PPP1R9A: variants seen among roughly 807,000 people sequenced by gnomAD.
The protein encoded by PPP1R9A is neurabin-1.
Under a neutral mutation model 141.9 loss-of-function variants are expected in PPP1R9A, and 59 were observed. That is an observed-to-expected ratio of 0.42 (90% CI 0.34 to 0.52). PPP1R9A has a LOEUF of 0.52. Among genes scored for constraint, PPP1R9A ranks in the 20% least tolerant of loss-of-function variants. The probability of loss-of-function intolerance (pLI) is 0.10; values close to 1 mark genes in which losing one functional copy is unlikely to be tolerated. For missense variants in PPP1R9A, 1,444 were observed against 1,611.9 expected, an observed-to-expected ratio of 0.90 and a Z score of 1.78; for synonymous variants, 500 against 569.7, an observed-to-expected ratio of 0.88 and a Z score of 1.74.
intron 2 of PPP1R9A, among the ~76,000 whole-genome samples, chr7:95,070,141 G>A (rs1158973295): frequency 6.6e-6 from 1 of 151,996 alleles, no homozygotes; most frequent in Non-Finnish European, 1.5e-5. Flanking sequence ...CAGGCTATTG[G>A]CTTACTTGGT....
At chr7:95,274,030 G>A (rs1445892570) in intron 15 of PPP1R9A, 44 bp downstream of exon 15, 1 of 1,496,366 alleles carries the variant, frequency 6.7e-7, no homozygotes, top group Non-Finnish European at 9.1e-7. Context: ...TGTAAAAGGA[G>A]GATTGAAAGA....
intron 4 of PPP1R9A, among the ~76,000 whole-genome samples, chr7:95,127,923 G>C (rs1026713293): frequency 6.6e-6 from 1 of 152,130 alleles, no homozygotes; most frequent in African/African-American, 2.4e-5. Context: ...TCCACTGTTA[G>C]TGGACACCTA....
intron 8 of PPP1R9A, among the ~76,000 whole-genome samples, chr7:95,234,503 A>G (rs567024268): frequency 3.3e-5 from 5 of 152,218 alleles, no homozygotes; most frequent in Non-Finnish European, 7.3e-5. Context: ...GGAAAACTAC[A>G]AAACACTGCT....
chr7:95,154,705 C>T (rs1829303786), intron 4 of PPP1R9A: 1 of 152,052 alleles, frequency 6.6e-6, no homozygotes, highest in Admixed American at 6.5e-5. Context: ...GAGAGAATGA[C>T]TTCTGAGTTA....
In PPP1R9A at chr7:94,911,226, T is replaced by C; in HGVS notation, c.1113T>C (p.Ser371=). Residue 371 remains serine, a synonymous_variant, in exon 2 of 20, where the codon TCT becomes TCC. Transcript: ENST00000433360. The part of the protein sequence containing the change: ...RKELAGGDFT[S]PDASASSCGK... ...AACTTGCAGGTGGTGATTTCACCTC[T>C]CCTGATGCTTCTGCATCCAGTTGTG... is the stretch of plus-strand genomic sequence containing the variant. 5 of 1,614,224 alleles carry C rather than the reference T, an allele frequency of 3.1e-6. No individual in the cohort carries two copies. Among genetic ancestry groups the C allele is most frequent in the Non-Finnish European group, 3.4e-6 (4 of 1,180,024 alleles).
chr7:95,042,467 T>A (rs1226954276), intron 2 of PPP1R9A, among the ~76,000 whole-genome samples: 1 of 152,180 alleles, frequency 6.6e-6, no homozygotes, highest in Non-Finnish European at 1.5e-5. Flanking sequence ...CATGAAGGCA[T>A]CTATACCATT....
At chr7:95,192,210 A>G (rs900761447) in intron 5 of PPP1R9A, among the ~76,000 whole-genome samples, 1 of 151,982 alleles carries the variant, frequency 6.6e-6, no homozygotes, top group African/African-American at 2.4e-5. Context: ...GTGTAGAGTA[A>G]GTACTTTTTT....
At position 95,250,575 on chromosome 7, in the gene PPP1R9A, A is replaced by G. The variant is rs145945014; in HGVS notation, c.2396+320A>G. Reference sequence around the variant, plus strand: ...GAAACACCTCTATGATTTAGAAACAAGAAGCCCAGCGGAAAGTCATGTAGA... The same window carrying G: ...GAAACACCTCTATGATTTAGAAACAGGAAGCCCAGCGGAAAGTCATGTAGA... On this transcript the variant is annotated intron_variant, in intron 10 of 19. Coordinates refer to ENST00000433360, the MANE Select transcript of PPP1R9A (RefSeq NM_001166160.2). 4.9e-3 allele frequency among the ~76,000 whole-genome samples: 740 copies of G among 152,332 alleles called. 4 individuals carry two copies. The highest frequency in any genetic ancestry group is 0.017 in the African/African-American group (695 of 41,586).
At chr7:95,178,659 A>G (rs1285333457) in intron 5 of PPP1R9A, among the ~76,000 whole-genome samples, 1 of 152,162 alleles carries the variant, frequency 6.6e-6, no homozygotes, top group Admixed American at 6.6e-5. Context: ...AAGAGAGAAA[A>G]TCCAAATAAC....
chr7:95,222,130 C>T (rs1337300901), intron 7 of PPP1R9A, among the ~76,000 whole-genome samples: 1 of 152,008 alleles, frequency 6.6e-6, no homozygotes, highest in Non-Finnish European at 1.5e-5. Context: ...GCCCACTATA[C>T]AGAGGTGCAA....
rs1009086229 is a variant in PPP1R9A, at chr7:95,166,775, C to T, written c.1754+4804C>T. On this transcript the variant is annotated intron_variant, in intron 5 of 19. Transcript: ENST00000433360. The stretch of plus-strand genomic sequence containing the variant: ...GCAAAATTTCTCAGCGAAATACTAG[C>T]AAACCAAGTCCAACAGTACATTAAA... Among the ~76,000 whole-genome samples, 13 of 152,260 alleles carry T rather than the reference C, an allele frequency of 8.5e-5. No homozygotes were observed. The South Asian group carries it at 2.1e-3, about 24-fold the overall frequency.
chr7:95,157,732 A>T (rs1829863385), intron 4 of PPP1R9A, among the ~76,000 whole-genome samples: 1 of 152,252 alleles, frequency 6.6e-6, no homozygotes. Context: ...TGACATTGAA[A>T]GAATATGTTG....
rs555602861 is a variant in PPP1R9A, at chr7:94,954,172, T to C, written c.1395+42664T>C. Among the ~76,000 whole-genome samples the C allele has an allele frequency of 2.6e-5, 4 of 152,198 alleles. No individual in the cohort carries two copies. In the South Asian group the frequency reaches 8.3e-4, roughly 32 times the overall value. ...CTCATTAATTTTCAGCCTTTTTTTC[T>C]AACAGAAGATTTTAAGACTAAATTT... On this transcript the variant is annotated intron_variant, in intron 2 of 19. Transcript: ENST00000433360.
intron 2 of PPP1R9A, among the ~76,000 whole-genome samples, chr7:94,979,057 A>C (rs1280756974): frequency 6.6e-6 from 1 of 152,212 alleles, no homozygotes; most frequent in African/African-American, 2.4e-5. Context: ...TTGGCCCCAC[A>C]AAGTGCTGGG....
At position 94,970,097 on chromosome 7, in the gene PPP1R9A, G is replaced by T. The variant is rs567225012; in HGVS notation, c.1395+58589G>T. 2.6e-5 allele frequency among the ~76,000 whole-genome samples: 4 copies of T among 152,262 alleles called. No homozygotes were observed. The East Asian group carries it at 7.7e-4, about 29-fold the overall frequency. ...AGCTTGGTGGGCTCCATGGGGGTGG[G>T]ATCCACTGAGCTAGACTGCTTGGCT... On this transcript the variant is annotated intron_variant, in intron 2 of 19. Transcript: ENST00000433360.
At chr7:95,273,136 G>T (rs1802480477) in intron 14 of PPP1R9A, among the ~76,000 whole-genome samples, 1 of 152,098 alleles carries the variant, frequency 6.6e-6, no homozygotes, top group South Asian at 2.1e-4. Context: ...CATTTCGAGG[G>T]TCCCCATTCC....
At chr7:94,924,501 G>A (rs188649351) in intron 2 of PPP1R9A, among the ~76,000 whole-genome samples, 5 of 152,196 alleles carry the variant, frequency 3.3e-5, no homozygotes, top group Admixed American at 3.3e-4. Context: ...TATTTATTTA[G>A]TTTTGAGATG....
Position 94,911,386 on chromosome 7 carries a change from G to A in PPP1R9A, c.1273G>A (p.Glu425Lys), listed in dbSNP as rs781010500. Reference sequence around the variant, plus strand: ...GACAGGCACTGAGCAGGATGAGGAGGAAGATAGTGATGAGAACAGTTACTA... The same window carrying A: ...GACAGGCACTGAGCAGGATGAGGAGAAAGATAGTGATGAGAACAGTTACTA... ...GETGTEQDEE[E>K]DSDENSYYQP... is the part of the protein sequence containing the mutation. The change falls in exon 2 of 20, where the codon GAA (glutamate) becomes AAA (lysine). Residue 425 changes from glutamate (E) to lysine (K), a missense_variant. By Grantham distance (56) the Glu-to-Lys change is moderately conservative. Coordinates refer to ENST00000433360, the MANE Select transcript of PPP1R9A (RefSeq NM_001166160.2). The A allele has an allele frequency of 1.9e-6, 3 of 1,614,154 alleles. No individual in the cohort carries two copies. Among genetic ancestry groups the A allele is most frequent in the Non-Finnish European group, 2.5e-6 (3 of 1,179,990 alleles).
At chr7:95,278,366 T>C (rs1803578680) in intron 16 of PPP1R9A, among the ~76,000 whole-genome samples, 1 of 152,186 alleles carries the variant, frequency 6.6e-6, no homozygotes, top group South Asian at 2.1e-4. Context: ...ATAATATTGA[T>C]TACATGTCAA....
Sources: gnomAD v4.1 joint callset for allele counts (sites outside exome capture counted in the v4.1 genomes callset) on GRCh38, gnomAD v4.1.1 for gene constraint, MANE v1.5 for transcripts, NCBI Gene and HGNC (gene_info 2026-07-23, HGNC 2026-07-21) for gene names.